The following PLCG2 variants were observed in gnomAD, a reference collection of about 807,000 sequenced individuals.
PLCG2 encodes 1-phosphatidylinositol 4,5-bisphosphate phosphodiesterase gamma-2.
A neutral mutation model predicts 175.6 loss-of-function variants in PLCG2; 69 were observed. The ratio of observed to expected loss-of-function variants is 0.39; its 90% CI spans 0.32 to 0.48. The LOEUF (loss-of-function observed/expected upper bound fraction) is 0.48. Ranked by LOEUF, PLCG2 falls within the 20% of genes least tolerant of loss-of-function variation. The probability of loss-of-function intolerance (pLI) is 0.91; values close to 1 mark genes in which losing one functional copy is unlikely to be tolerated. For missense variants in PLCG2, 1,798 were observed against 1,650.9 expected (o/e 1.09, Z -1.54); for synonymous variants, 827 against 624.0 (o/e 1.33, Z -4.85).
intron 31 of PLCG2, 103 bp downstream of exon 31, chr16:81,946,366 G>T: frequency 2.5e-6 from 2 of 812,948 alleles, no homozygotes; most frequent in South Asian, 1.4e-5. Flanking sequence ...AGCCCATTCA[G>T]AATTGTCTAG....
intron 2 of PLCG2, among the ~76,000 whole-genome samples, chr16:81,770,225 AC>A (rs1374654488): frequency 6.6e-6 from 1 of 151,898 alleles, no homozygotes; most frequent in Non-Finnish European, 1.5e-5. Context: ...AGAAACCAGC[AC>A]CCCTCAGGAC....
chr16:81,846,525 T>C (rs1002872376), intron 2 of PLCG2, among the ~76,000 whole-genome samples: 1 of 152,242 alleles, frequency 6.6e-6, no homozygotes, highest in Non-Finnish European at 1.5e-5. Flanking sequence ...TTTTGCTATA[T>C]AGCATTTATT....
intron 5 of PLCG2, among the ~76,000 whole-genome samples, chr16:81,867,569 C>A (rs1283944092): frequency 6.6e-6 from 1 of 151,594 alleles, no homozygotes; most frequent in Non-Finnish European, 1.5e-5. Context: ...GGTGAATGTG[C>A]ATATAAGGCA....
In PLCG2 at chr16:81,785,714, C is replaced by T. The variant is rs1008757054; in HGVS notation, c.-47-229C>T. ...ATTTGGTTATTCAAAGCCCACGTAA[C>T]GGTTGGGTCCTTGAGGTCAGGGGCT... On this transcript the variant is annotated intron_variant, in intron 1 of 32. Transcript: ENST00000564138. 9 of 311,268 alleles carry T rather than the reference C, an allele frequency of 2.9e-5. 1 individual carries two copies. Among genetic ancestry groups the T allele is most frequent in the South Asian group, 2.2e-4 (5 of 22,490 alleles). 19.3% of individuals were successfully genotyped at this position (311,268 alleles called of 1,614,324 possible). A position where few individuals can be genotyped will look rare whatever the true frequency, so the allele number is the denominator to read the frequency against.
intron 1 of PLCG2, among the ~76,000 whole-genome samples, chr16:81,744,955 G>T (rs574106212): frequency 6.6e-6 from 1 of 152,270 alleles, no homozygotes; most frequent in South Asian, 2.1e-4. Context: ...AAGGAAGAAG[G>T]GTTGGTTTTT....
intron 5 of PLCG2, among the ~76,000 whole-genome samples, chr16:81,863,708 A>T (rs190962362): frequency 6.6e-6 from 1 of 152,180 alleles, no homozygotes; most frequent in African/African-American, 2.4e-5. Context: ...TGTTTTCTTC[A>T]TATCCTCACC....
chr16:81,937,911 C>T lies in PLCG2; in HGVS notation c.3198+8C>T. 6.2e-7 allele frequency: 1 copy of T among 1,613,700 alleles called. No homozygotes were observed. The highest frequency in any genetic ancestry group is 1.3e-5 in the African/African-American group (1 of 75,018). On this transcript the variant is annotated splice_region_variant and intron_variant, in intron 28 of 32. Coordinates refer to ENST00000564138, the MANE Select transcript of PLCG2 (RefSeq NM_002661.5). Reference sequence around the variant, plus strand: ...ATGACGCTGACAGTCAAGGTAAAGCCAGCCCTCCCTTCCTGCCAGGGGAGC... The same window carrying T: ...ATGACGCTGACAGTCAAGGTAAAGCTAGCCCTCCCTTCCTGCCAGGGGAGC...
intron 7 of PLCG2, among the ~76,000 whole-genome samples, chr16:81,876,240 C>A (rs1005145676): frequency 6.6e-6 from 1 of 152,048 alleles, no homozygotes; most frequent in Non-Finnish European, 1.5e-5. Flanking sequence ...CCAGGCTAGG[C>A]TTGAACTCCT....
Position 81,956,705 on chromosome 16 carries a change from A to G in PLCG2, c.3581A>G (p.Glu1194Gly). 1 of 1,613,928 alleles carries G rather than the reference A, an allele frequency of 6.2e-7. No homozygotes were observed. The part of the protein sequence containing the change: ...CEMRPVLESE[E>G]ELYSSCRQLR... ...CCCTGCATCCTCCAGGAGAGCGAAG[A>G]GGAACTTTACTCCTCCTGTCGCCAG... The change falls in exon 32 of 33, where the codon GAG (glutamate) becomes GGG (glycine). Residue 1194 changes from glutamate to glycine, a missense_variant. Physicochemically the swap from Glu to Gly is moderately conservative, Grantham distance 98. Coordinates refer to ENST00000564138, the MANE Select transcript of PLCG2 (RefSeq NM_002661.5).
intron 2 of PLCG2, among the ~76,000 whole-genome samples, chr16:81,757,992 T>A (rs1019930175): frequency 6.6e-6 from 1 of 152,232 alleles, no homozygotes; most frequent in Admixed American, 6.5e-5. Context: ...GTTTTGTTTT[T>A]TGAGGCACTG....
intron 5 of PLCG2, among the ~76,000 whole-genome samples, chr16:81,862,289 G>A (rs4889417): frequency 1.3e-5 from 2 of 152,146 alleles, no homozygotes; most frequent in African/African-American, 4.8e-5. Context: ...GCCCAAGCAC[G>A]CTGTTTCATT....
intron 20 of PLCG2, among the ~76,000 whole-genome samples, chr16:81,920,815 G>A (rs925623538): frequency 3.9e-5 from 6 of 152,206 alleles, no homozygotes; most frequent in Non-Finnish European, 8.8e-5. Context: ...TTCCATGGAG[G>A]TCAGTTTCAA....
At chr16:81,821,123 G>A (rs180968115) in intron 2 of PLCG2, among the ~76,000 whole-genome samples, 7 of 152,346 alleles carry the variant, frequency 4.6e-5, no homozygotes, top group Admixed American at 4.6e-4. Flanking sequence ...AACTCCTGAT[G>A]TCAAATGATC....
At chr16:81,918,872 C>A (rs991471282) in intron 19 of PLCG2, among the ~76,000 whole-genome samples, 1 of 150,096 alleles carries the variant, frequency 6.7e-6, no homozygotes, top group Non-Finnish European at 1.5e-5. Flanking sequence ...ATGTTTCAAA[C>A]AGATGAAGGA....
At chr16:81,880,417 G>A (rs1908021555) in intron 7 of PLCG2, among the ~76,000 whole-genome samples, 1 of 152,216 alleles carries the variant, frequency 6.6e-6, no homozygotes, top group Middle Eastern at 3.4e-3. Context: ...GGCACAAGTG[G>A]GCAAAGATAG....
At chr16:81,853,628 G>C (rs541497361) in intron 2 of PLCG2, among the ~76,000 whole-genome samples, 1 of 152,338 alleles carries the variant, frequency 6.6e-6, no homozygotes, top group Admixed American at 6.5e-5. Flanking sequence ...TGATCTGACA[G>C]TTGGTGGAGC....
At chr16:81,778,051 A>AAAAACAAAACAAACAAACAAAC (rs1597311883), upstream of PLCG2, among the ~76,000 whole-genome samples, 12 of 79,168 alleles carry the variant, frequency 1.5e-4, no homozygotes, top group South Asian at 6.3e-4. Flanking sequence ...AACAAAAAAA[A>AAAAACAAAACAAACAAACAAAC]AAACAAAAAA....
intron 6 of PLCG2, among the ~76,000 whole-genome samples, chr16:81,870,183 T>A (rs897625576): frequency 6.6e-6 from 1 of 152,196 alleles, no homozygotes; most frequent in African/African-American, 2.4e-5. Flanking sequence ...TTACCATTGA[T>A]TGCTACACAG....
intron 1 of PLCG2, among the ~76,000 whole-genome samples, chr16:81,780,538 G>A (rs1376125922): frequency 6.6e-6 from 1 of 152,172 alleles, no homozygotes; most frequent in African/African-American, 2.4e-5. Context: ...GCAGTCACGT[G>A]TATACCAGCT....
Sources: gnomAD v4.1 joint callset for allele counts (sites outside exome capture counted in the v4.1 genomes callset) on GRCh38, gnomAD v4.1.1 for gene constraint, MANE v1.5 for transcripts, NCBI Gene and HGNC (gene_info 2026-07-23, HGNC 2026-07-21) for gene names.